TFR2: variants seen among roughly 807,000 people sequenced by gnomAD.
The protein encoded by TFR2 is transferrin receptor 2.
Under a neutral mutation model 91.9 loss-of-function variants are expected in TFR2, and 64 were observed. That is an observed-to-expected ratio of 0.70 (90% CI 0.57 to 0.86). TFR2 has a LOEUF of 0.86. Ranked by LOEUF, TFR2 falls within the 40% of genes least tolerant of loss-of-function variation. The probability of loss-of-function intolerance (pLI) is 0.00; values close to 1 mark genes in which losing one functional copy is unlikely to be tolerated. For missense variants in TFR2, 950 were observed against 1,080.5 expected, an observed-to-expected ratio of 0.88 and a Z score of 1.69; for synonymous variants, 454 against 459.6, an observed-to-expected ratio of 0.99 and a Z score of 0.15.
At chr7:100,629,503 A>G in intron 9 of TFR2, 131 bp from the exon 10 acceptor site, 3 of 1,540,694 alleles carry the variant, frequency 1.9e-6, no homozygotes, top group Non-Finnish European at 2.6e-6. Flanking sequence ...CCAGTCCCTA[A>G]AGAGGGCGCC....
intron 3 of TFR2, chr7:100,633,757 G>A (rs1803519265): frequency 2.3e-6 from 2 of 861,600 alleles, no homozygotes; most frequent in East Asian, 3.0e-5. Flanking sequence ...CGCCCAGGCT[G>A]GAGTGCAGTG....
At chr7:100,626,139 G>C (rs1803243930) in intron 17 of TFR2, among the ~76,000 whole-genome samples, 1 of 152,142 alleles carries the variant, frequency 6.6e-6, no homozygotes. Context: ...TGACATCAAA[G>C]GGTTGAGGGG....
intron 3 of TFR2, among the ~76,000 whole-genome samples, chr7:100,638,661 G>T (rs187955006): frequency 1.2e-4 from 18 of 151,912 alleles, no homozygotes; most frequent in Admixed American, 1.1e-3. Context: ...TAAGGCAGGA[G>T]AATTGCTTGA....
rs372245326 is a variant in TFR2, at chr7:100,641,500, G to C, written c.10C>G (p.Leu4Val). 1 of 1,613,886 alleles carries C rather than the reference G, an allele frequency of 6.2e-7. No homozygotes were observed. Among genetic ancestry groups the C allele is most frequent in the East Asian group, 2.2e-5 (1 of 44,848 alleles). The change falls in exon 1 of 18, where the codon CTT becomes GTT. Residue 4 changes from leucine to valine, a missense_variant. Leu to Val is a conservative substitution (Grantham distance 32). Transcript: ENST00000223051. MER[L>V]WGLFQRAQQL... is the part of the protein sequence containing the mutation. ...ACCGCTCTCTGGAATAGACCCCAAA[G>C]CCGCTCCATGCTTGTGTCCCCTCCT...
chr7:100,640,916 G>A (rs750401977), intron 2 of TFR2, 44 bp from the exon 3 acceptor site: 1 of 1,613,726 alleles, frequency 6.2e-7, no homozygotes, highest in Admixed American at 1.7e-5. Context: ...CCCACCTCTG[G>A]ACCCCAGAAA....
At chr7:100,632,535 T>G (rs1803472452) in intron 6 of TFR2, among the ~76,000 whole-genome samples, 1 of 136,612 alleles carries the variant, frequency 7.3e-6, no homozygotes, top group Non-Finnish European at 1.6e-5. Context: ...CCTCCCTCCC[T>G]TCTCTGTTTC....
chr7:100,639,741 T>G (rs1291413192), intron 3 of TFR2: 1 of 151,984 alleles, frequency 6.6e-6, no homozygotes, highest in Non-Finnish European at 1.5e-5. Context: ...CTTTTGGATC[T>G]GCACCCACAA....
At chr7:100,626,081 G>T (rs1803242629) in intron 17 of TFR2, among the ~76,000 whole-genome samples, 3 of 152,126 alleles carry the variant, frequency 2.0e-5, no homozygotes, top group African/African-American at 7.2e-5. Context: ...TTACTATTTT[G>T]CCCTGCAGAC....
At chr7:100,640,552 G>A in intron 3 of TFR2, 134 bp downstream of exon 3, 1 of 991,416 alleles carries the variant, frequency 1.0e-6, no homozygotes, top group East Asian at 2.6e-5. Context: ...GAACAGGGGG[G>A]CCAGGAAGGC....
At chr7:100,628,558 T>G (rs930618557) in intron 10 of TFR2, among the ~76,000 whole-genome samples, 9 of 150,188 alleles carry the variant, frequency 6.0e-5, no homozygotes, top group African/African-American at 1.7e-4. Context: ...CACCACTAAG[T>G]CCAGCCAATT....
intron 17 of TFR2, among the ~76,000 whole-genome samples, chr7:100,622,132 C>T (rs1803128426): frequency 6.6e-6 from 1 of 152,168 alleles, no homozygotes; most frequent in African/African-American, 2.4e-5. Flanking sequence ...GTCAAGTGAT[C>T]TTCCCGCCTT....
chr7:100,624,277 C>T (rs1169140516), intron 17 of TFR2, among the ~76,000 whole-genome samples: 1 of 152,120 alleles, frequency 6.6e-6, no homozygotes, highest in East Asian at 1.9e-4. Flanking sequence ...TGCTGGTCCA[C>T]ACCCCGCTTC....
In TFR2 at chr7:100,620,711, G is replaced by A. The variant is rs1011722319; in HGVS notation, c.*146C>T. 25 of 1,140,888 alleles carry A rather than the reference G, an allele frequency of 2.2e-5. No homozygotes were observed. The highest frequency in any genetic ancestry group is 3.2e-5 in the Non-Finnish European group (25 of 793,622). 70.7% of individuals were successfully genotyped at this position (1,140,888 alleles called of 1,614,324 possible). A position where few individuals can be genotyped will look rare whatever the true frequency, so the allele number is the denominator to read the frequency against. ...TGTGGATATCTGTGCTGGGGTCTGGGCTCCGTGGAGAGATGTGTAGGGGTA... is the reference window on the plus strand; with the variant it reads ...TGTGGATATCTGTGCTGGGGTCTGGACTCCGTGGAGAGATGTGTAGGGGTA... On this transcript the variant is annotated 3_prime_UTR_variant, in exon 18 of 18. Transcript: ENST00000223051.
intron 17 of TFR2, 152 bp from the exon 18 acceptor site, chr7:100,621,278 G>A: frequency 1.8e-6 from 2 of 1,100,918 alleles, no homozygotes; most frequent in South Asian, 3.5e-5. Flanking sequence ...TTTTGAGACG[G>A]AGTCTCGCTC....
At chr7:100,628,670 G>A (rs1803336891) in intron 10 of TFR2, among the ~76,000 whole-genome samples, 1 of 152,118 alleles carries the variant, frequency 6.6e-6, no homozygotes, top group African/African-American at 2.4e-5. Context: ...CCAAAGTGCT[G>A]GGATTACAGG....
At chr7:100,624,475 A>G (rs1372684752) in intron 17 of TFR2, among the ~76,000 whole-genome samples, 1 of 152,256 alleles carries the variant, frequency 6.6e-6, no homozygotes, top group African/African-American at 2.4e-5. Flanking sequence ...TTTGCAGGCC[A>G]TGCTGCTTTT....
intron 3 of TFR2, among the ~76,000 whole-genome samples, chr7:100,635,660 C>T (rs1044683069): frequency 1.6e-4 from 24 of 151,910 alleles, no homozygotes; most frequent in African/African-American, 5.3e-4. Context: ...AACAGTGTTT[C>T]ACCATGTTGG....
intron 3 of TFR2, among the ~76,000 whole-genome samples, chr7:100,634,915 A>G (rs1584461770): frequency 6.7e-6 from 1 of 150,198 alleles, no homozygotes; most frequent in East Asian, 1.9e-4. Flanking sequence ...TTCTTTACAC[A>G]CTTTTCTTTT....
Position 100,633,104 on chromosome 7 carries a change from T to A in TFR2, c.746A>T (p.His249Leu). The A allele has an allele frequency of 6.2e-7, 1 of 1,613,470 alleles. No homozygotes were observed. The highest frequency in any genetic ancestry group is 1.6e-4 in the Middle Eastern group (1 of 6,062). Residue 249 changes from histidine to leucine, a missense_variant, in exon 6 of 18, where the codon CAC becomes CTC. By Grantham distance (99) the His-to-Leu change is moderately conservative. Transcript: ENST00000223051. ...GNVTGELVYA[H>L]YGRPEDLQDL... ...CTGCAGGTCTTCGGGCCGCCCGTAG[T>A]GGGCGTACACCAGCTCTCCCTGGGG...
Sources: allele counts gnomAD v4.1 joint callset (sites outside exome capture counted in the v4.1 genomes callset), GRCh38; gene constraint gnomAD v4.1.1; transcripts MANE v1.5; gene names NCBI Gene and HGNC (gene_info 2026-07-23, HGNC 2026-07-21).